ADAMTS13: variants seen among roughly 807,000 people sequenced by gnomAD.
ADAMTS13 encodes ADAM metallopeptidase with thrombospondin type 1 motif 13.
Under a neutral mutation model 155.1 loss-of-function variants are expected in ADAMTS13, and 110 were observed. The ratio of observed to expected loss-of-function variants is 0.71; its 90% CI spans 0.61 to 0.83. The LOEUF is 0.83. Among genes scored for constraint, ADAMTS13 ranks in the 40% least tolerant of loss-of-function variants. The probability of loss-of-function intolerance (pLI) is 0.00; values close to 1 mark genes in which losing one functional copy is unlikely to be tolerated. For synonymous variants in ADAMTS13, 758 were observed against 756.4 expected (o/e 1.00, Z -0.03); for missense variants, 1,707 against 1,891.7 (o/e 0.90, Z 1.81).
At chr9:133,435,095 T>A (rs1841078289) in intron 11 of ADAMTS13, among the ~76,000 whole-genome samples, 1 of 152,238 alleles carries the variant, frequency 6.6e-6, no homozygotes, top group Admixed American at 6.5e-5. Flanking sequence ...AATGTGCTTG[T>A]ACATGTTTGA....
chr9:133,422,341 C>T (rs1840006426), upstream of ADAMTS13: 5 of 1,146,340 alleles, frequency 4.4e-6, no homozygotes, highest in Admixed American at 1.7e-5. Flanking sequence ...CTAATCGTCC[C>T]GCCCAGTAGT....
chr9:133,420,523 A>G (rs36217940), upstream of ADAMTS13, among the ~76,000 whole-genome samples: 1,577 of 152,360 alleles, frequency 0.01, 22 homozygotes, highest in African/African-American at 0.036. Flanking sequence ...CCACTTATGC[A>G]AATGAGGAAG....
At chr9:133,457,444 A>G (rs1842816280) in intron 27 of ADAMTS13, among the ~76,000 whole-genome samples, 1 of 152,192 alleles carries the variant, frequency 6.6e-6, no homozygotes, top group Non-Finnish European at 1.5e-5. Flanking sequence ...CCAAAAGGCC[A>G]CAAGCCCACT....
intron 7 of ADAMTS13, chr9:133,429,671 C>T (rs1554786473): frequency 1.1e-5 from 7 of 662,822 alleles, no homozygotes; most frequent in East Asian, 5.7e-5. Context: ...GCTCCCGGGC[C>T]TAACCTGCAT....
chr9:133,423,198 G>A (rs781893209), intron 2 of ADAMTS13, 31 bp downstream of exon 2: 25 of 1,606,394 alleles, frequency 1.6e-5, no homozygotes, highest in Non-Finnish European at 2.0e-5. Context: ...TCTCCCGGGG[G>A]GAGTTTCTCA....
intron 15 of ADAMTS13, 55 bp downstream of exon 15, chr9:133,439,501 A>T: frequency 2.0e-6 from 3 of 1,496,354 alleles, no homozygotes; most frequent in Non-Finnish European, 2.8e-6. Flanking sequence ...GGTGCAGAGC[A>T]CTGTTGCCAA....
At chr9:133,423,354 C>G (rs1293895576) in intron 2 of ADAMTS13, among the ~76,000 whole-genome samples, 187 bp downstream of exon 2, 1 of 152,132 alleles carries the variant, frequency 6.6e-6, no homozygotes, top group Non-Finnish European at 1.5e-5. Context: ...TCTGGGTGTT[C>G]CAGCCAGGCC....
chr9:133,422,285 G>A, upstream of ADAMTS13: 2 of 711,370 alleles, frequency 2.8e-6, no homozygotes, highest in Non-Finnish European at 4.8e-6. Flanking sequence ...GCCCACCCTA[G>A]CCACGGCCCC....
At chr9:133,442,827 C>A (rs925050935) in intron 18 of ADAMTS13, 84 bp downstream of exon 18, 2 of 1,508,606 alleles carry the variant, frequency 1.3e-6, no homozygotes, top group Non-Finnish European at 8.8e-7. Flanking sequence ...GCCTATGGGG[C>A]CCATGTGGCA....
intron 25 of ADAMTS13, chr9:133,455,658 GGC>G: frequency 1.9e-6 from 3 of 1,586,654 alleles, no homozygotes; most frequent in Non-Finnish European, 2.6e-6. Flanking sequence ...GGTGGGCAAA[GGC>G]ATCTTCCTCT....
chr9:133,459,295 C>A lies in ADAMTS13; in HGVS notation c.*115C>A, dbSNP rs1554797270. 1.8e-6 allele frequency: 2 copies of A among 1,096,182 alleles called. No homozygotes were observed. The highest frequency in any genetic ancestry group is 2.7e-6 in the Non-Finnish European group (2 of 740,342). 67.9% of individuals were successfully genotyped at this position (1,096,182 alleles called of 1,614,324 possible). On this transcript the variant is annotated 3_prime_UTR_variant, in exon 29 of 29. Transcript: ENST00000355699. Reference sequence around the variant, plus strand: ...TAGGTATCTACTTTAGAGTCTTCTCCAATGTCCAAAAGGCTAGGGGGTTGG... The same window carrying A: ...TAGGTATCTACTTTAGAGTCTTCTCAAATGTCCAAAAGGCTAGGGGGTTGG...
chr9:133,431,332 T>G (rs1554787392), intron 8 of ADAMTS13, among the ~76,000 whole-genome samples: 1 of 150,886 alleles, frequency 6.6e-6, no homozygotes. Flanking sequence ...TTTTTTCATT[T>G]TTTTTTTTTT....
intron 6 of ADAMTS13, among the ~76,000 whole-genome samples, chr9:133,427,704 C>A (rs963294257): frequency 6.6e-6 from 1 of 152,178 alleles, no homozygotes; most frequent in Non-Finnish European, 1.5e-5. Flanking sequence ...GAGTGTACAG[C>A]CCTGTGACTG....
At chr9:133,429,434 G>T in intron 7 of ADAMTS13, among the ~76,000 whole-genome samples, 2 of 103,108 alleles carry the variant, frequency 1.9e-5, no homozygotes, top group Non-Finnish European at 3.9e-5. Context: ...ACCCACCCCT[G>T]CATCCTACCC....
chr9:133,432,825 C>T (rs587719671), intron 9 of ADAMTS13, 133 bp downstream of exon 9: 2 of 910,922 alleles, frequency 2.2e-6, no homozygotes, highest in African/African-American at 1.6e-5. Flanking sequence ...GCCTTGGGGA[C>T]TGTCCTTTGG....
At chr9:133,423,543 AC>A (rs1016719668) in intron 2 of ADAMTS13, among the ~76,000 whole-genome samples, 1 of 152,004 alleles carries the variant, frequency 6.6e-6, no homozygotes, top group Non-Finnish European at 1.5e-5. Flanking sequence ...GGCTCAGGCT[AC>A]CTCCTAAGGC....
chr9:133,455,546 C>T lies in ADAMTS13; in HGVS notation c.3400+111C>T, dbSNP rs148500446. ...CCAGGCCCGGGGCCTGCTCTTCTCC[C>T]CGGCTCCCCAGCCTCGGCGGCTCCT... On this transcript the variant is annotated intron_variant, in intron 25 of 28. Transcript: ENST00000355699. 184 of 1,610,170 alleles carry T rather than the reference C, an allele frequency of 1.1e-4. No homozygotes were observed. In the African/African-American group the frequency reaches 1.6e-3, roughly 14 times the overall value.
upstream of ADAMTS13, among the ~76,000 whole-genome samples, chr9:133,419,163 G>A (rs372454657): frequency 2.1e-3 from 322 of 152,256 alleles, 16 homozygotes; most frequent in South Asian, 0.065. Context: ...TTTGATGTGC[G>A]TGTGTAACAG....
chr9:133,428,797 G>A, intron 7 of ADAMTS13, 26 bp downstream of exon 7: 1 of 1,278,706 alleles, frequency 7.8e-7, no homozygotes, highest in South Asian at 2.4e-5. Flanking sequence ...TGGGAGGGGC[G>A]CGCGAGCCTC....
Sources: allele counts gnomAD v4.1 joint callset (sites outside exome capture counted in the v4.1 genomes callset), GRCh38; gene constraint gnomAD v4.1.1; transcripts MANE v1.5; gene names NCBI Gene and HGNC (gene_info 2026-07-23, HGNC 2026-07-21).